The following SLCO5A1 variants were observed in gnomAD, a reference collection of about 807,000 sequenced individuals.
SLCO5A1 encodes organic anion transporter polypeptide-related protein 4.
In SLCO5A1, 39 loss-of-function variants were observed where a neutral mutation model predicts 65.1. That is an observed-to-expected ratio of 0.60 (90% confidence interval 0.46 to 0.78). The LOEUF (loss-of-function observed/expected upper bound fraction) is 0.78. SLCO5A1 is among the 30% of genes least tolerant of loss of function. The pLI, the probability that SLCO5A1 is intolerant of heterozygous loss-of-function variation, is 0.00. For missense variants in SLCO5A1, 1,029 were observed against 1,069.4 expected (o/e 0.96, Z 0.53); for synonymous variants, 438 against 415.7 (o/e 1.05, Z -0.65).
chr8:69,783,724 T>G (rs527340137), intron 2 of SLCO5A1, among the ~76,000 whole-genome samples: 1 of 152,242 alleles, frequency 6.6e-6, no homozygotes, highest in Admixed American at 6.5e-5. Flanking sequence ...GTTATACTTT[T>G]AAAATATCTT....
Position 69,761,873 on chromosome 8 carries a change from T to A in SLCO5A1, c.910A>T (p.Ile304Phe). Reference protein sequence around the residue: ...KKENSSLYLAIMYVMGALGPA... With the variant: ...KKENSSLYLAFMYVMGALGPA... ...CCAAGTGCTCCCATGACATACATGA[T>A]GGCTGAGAAGACAGAAGGGGAAATG... is the stretch of plus-strand genomic sequence containing the variant. Residue 304 changes from isoleucine to phenylalanine, a missense_variant and splice_region_variant, in exon 3 of 10, where the codon ATC becomes TTC. Ile to Phe is a conservative substitution (Grantham distance 21). This residue lies in a region of SLCO5A1 where 647 missense variants were observed against 647.5 expected (regional missense o/e 1.00). Coordinates refer to ENST00000260126, the MANE Select transcript of SLCO5A1 (RefSeq NM_030958.3). The A allele has an allele frequency of 6.2e-7, 1 of 1,611,922 alleles. No individual in the cohort carries two copies. Among genetic ancestry groups the A allele is most frequent in the Non-Finnish European group, 8.5e-7 (1 of 1,179,632 alleles).
At chr8:69,718,203 T>C (rs191029331) in intron 5 of SLCO5A1, among the ~76,000 whole-genome samples, 159 of 152,350 alleles carry the variant, frequency 1.0e-3, no homozygotes, top group South Asian at 4.6e-3. Context: ...TGCTAGTGTA[T>C]AGAAATACAA....
chr8:69,682,674 G>A (rs796323464), intron 6 of SLCO5A1, among the ~76,000 whole-genome samples: 11 of 152,170 alleles, frequency 7.2e-5, no homozygotes, highest in South Asian at 2.1e-4. Context: ...CTCACTTACT[G>A]TAGGCGCCAG....
rs552843473 is a variant in SLCO5A1, at chr8:69,706,025, A to G, written c.1424-796T>C. Among the ~76,000 whole-genome samples, 6 of 152,374 alleles carry G rather than the reference A, an allele frequency of 3.9e-5. No individual in the cohort carries two copies. In the South Asian group the frequency reaches 1.2e-3, roughly 32 times the overall value. ...GCATTATAATTGTAAAAAACTGGAA[A>G]TAAACCAAATGTCCATTAATAAATA... On this transcript the variant is annotated intron_variant, in intron 5 of 9. Coordinates refer to ENST00000260126, the MANE Select transcript of SLCO5A1 (RefSeq NM_030958.3).
At chr8:69,802,899 C>T (rs1819813398) in intron 2 of SLCO5A1, among the ~76,000 whole-genome samples, 1 of 152,216 alleles carries the variant, frequency 6.6e-6, no homozygotes, top group African/African-American at 2.4e-5. Context: ...GAGGCGAGAA[C>T]TTCATCTTGT....
At chr8:69,718,540 C>T (rs1363080777) in intron 5 of SLCO5A1, among the ~76,000 whole-genome samples, 1 of 152,178 alleles carries the variant, frequency 6.6e-6, no homozygotes, top group Non-Finnish European at 1.5e-5. Flanking sequence ...ATAGATGCCC[C>T]TTATCACATT....
rs750245827 is a variant in SLCO5A1 at position 69,679,598 on chromosome 8, T to G, written c.1804A>C (p.Thr602Pro). The G allele has an allele frequency of 6.2e-7, 1 of 1,614,210 alleles. No homozygotes were observed. Among genetic ancestry groups the G allele is most frequent in the Admixed American group, 1.7e-5 (1 of 60,034 alleles). ...ATCACTTGGCGACTTTGGACACAGG[T>G]GCATTCTGTATAATTCCGTATCTAA... ...STGIRNYTECTCVQSRQVITP... is the reference protein window; with the variant it reads ...STGIRNYTECPCVQSRQVITP... Residue 602 changes from threonine to proline, a missense_variant, in exon 8 of 10, where the codon ACC (threonine) becomes CCC (proline). Transcript: ENST00000260126.
intron 4 of SLCO5A1, among the ~76,000 whole-genome samples, chr8:69,748,475 A>T (rs1456414471): frequency 6.6e-6 from 1 of 152,198 alleles, no homozygotes; most frequent in Non-Finnish European, 1.5e-5. Context: ...ACTACCAGAA[A>T]TCATACATAC....
chr8:69,784,829 AAGAAAG>A (rs1247364143), intron 2 of SLCO5A1, among the ~76,000 whole-genome samples: 1 of 145,350 alleles, frequency 6.9e-6, no homozygotes, highest in African/African-American at 2.5e-5. Context: ...GAAAGAAAGA[AAGAAAG>A]AAAGAAAGAA....
At chr8:69,673,918 A>C (rs1377380785) in intron 9 of SLCO5A1, among the ~76,000 whole-genome samples, 1 of 152,224 alleles carries the variant, frequency 6.6e-6, no homozygotes, top group African/African-American at 2.4e-5. Context: ...ATTATGGCAT[A>C]AATTTCATCT....
At chr8:69,816,505 A>T (rs1820416678) in intron 2 of SLCO5A1, among the ~76,000 whole-genome samples, 1 of 152,210 alleles carries the variant, frequency 6.6e-6, no homozygotes, top group African/African-American at 2.4e-5. Flanking sequence ...AACTGAAAAC[A>T]CAGGAAACAG....
At chr8:69,719,899 A>T (rs1342977645) in intron 5 of SLCO5A1, among the ~76,000 whole-genome samples, 1 of 152,234 alleles carries the variant, frequency 6.6e-6, no homozygotes, top group Non-Finnish European at 1.5e-5. Flanking sequence ...CTCTCAGGAC[A>T]CATGTCCGCT....
chr8:69,772,414 T>C (rs1403723650), intron 2 of SLCO5A1, among the ~76,000 whole-genome samples: 1 of 151,482 alleles, frequency 6.6e-6, no homozygotes, highest in Admixed American at 6.6e-5. Flanking sequence ...TCCCAGCTAT[T>C]TGGGAGGCTG....
intron 2 of SLCO5A1, among the ~76,000 whole-genome samples, chr8:69,770,683 A>C (rs1415515266): frequency 6.6e-6 from 1 of 152,120 alleles, no homozygotes; most frequent in African/African-American, 2.4e-5. Context: ...TGGACATCAC[A>C]GCTGCCTCAG....
At chr8:69,710,399 G>A (rs1440870052) in intron 5 of SLCO5A1, among the ~76,000 whole-genome samples, 3 of 152,006 alleles carry the variant, frequency 2.0e-5, no homozygotes, top group African/African-American at 7.3e-5. Flanking sequence ...AAAAAGGGAA[G>A]TTTGGATAGA....
At chr8:69,679,693 T>A in intron 7 of SLCO5A1, 74 bp from the exon 8 acceptor site, 1 of 1,568,006 alleles carries the variant, frequency 6.4e-7, no homozygotes, top group African/African-American at 1.4e-5. Context: ...TAAGACAAAG[T>A]TAAGTAAAAG....
At chr8:69,776,807 A>T (rs551667259) in intron 2 of SLCO5A1, among the ~76,000 whole-genome samples, 1 of 152,374 alleles carries the variant, frequency 6.6e-6, no homozygotes, top group East Asian at 1.9e-4. Context: ...CACATGAAAG[A>T]TATTCGGCAT....
Position 69,679,566 on chromosome 8 carries a change from T to C in SLCO5A1, c.1836A>G (p.Pro612=), listed in dbSNP as rs1813680470. Residue 612 remains proline (P), a synonymous_variant, in exon 8 of 10, where the codon CCA becomes CCG. Transcript: ENST00000260126. ...TCVQSRQVIT[P]PTVGQRSQLR... ...GCTGACTTCGCTGTCCCACGGTGGG[T>C]GGAGTGATCACTTGGCGACTTTGGA... 1.2e-6 allele frequency: 2 copies of C among 1,614,156 alleles called. No individual in the cohort carries two copies. Among genetic ancestry groups the C allele is most frequent in the Non-Finnish European group, 1.7e-6 (2 of 1,180,040 alleles).
intron 7 of SLCO5A1, among the ~76,000 whole-genome samples, chr8:69,681,192 T>C (rs961621122): frequency 6.6e-6 from 1 of 152,232 alleles, no homozygotes; most frequent in Admixed American, 6.5e-5. Flanking sequence ...CAGTGGATGG[T>C]ATAATCCCTT....
Sources: allele counts gnomAD v4.1 joint callset (sites outside exome capture counted in the v4.1 genomes callset), GRCh38; gene constraint gnomAD v4.1.1; regional missense constraint gnomAD v4.1.1; transcripts MANE v1.5; gene names NCBI Gene and HGNC (gene_info 2026-07-23, HGNC 2026-07-21).